Variants in SHTN1 observed in about 807,000 individuals in gnomAD.
SHTN1 encodes the protein shootin 1, also known as shootin-1.
Under a neutral mutation model 83.1 loss-of-function variants are expected in SHTN1, and 42 were observed. The observed-to-expected ratio is 0.51, with a 90% CI of 0.39 to 0.65. The LOEUF is 0.65. SHTN1 is among the 30% of genes least tolerant of loss of function. The probability of loss-of-function intolerance (pLI) is 0.00; values close to 1 mark genes in which losing one functional copy is unlikely to be tolerated. For missense variants in SHTN1, 622 were observed against 737.8 expected (o/e 0.84, Z 1.82); for synonymous variants, 224 against 247.7 (o/e 0.90, Z 0.90).
intron 1 of SHTN1, among the ~76,000 whole-genome samples, chr10:117,076,968 CTTTA>C (rs922327064): frequency 4.6e-5 from 7 of 152,062 alleles, no homozygotes; most frequent in South Asian, 2.1e-4. Context: ...GACTTTATTG[CTTTA>C]TTTTAGTGGA....
chr10:116,889,449 G>A (rs541692646), intron 16 of SHTN1, among the ~76,000 whole-genome samples: 74 of 152,300 alleles, frequency 4.9e-4, no homozygotes, highest in Non-Finnish European at 9.3e-4. Flanking sequence ...GGCATTTTCT[G>A]AATCTAGGCA....
intron 1 of SHTN1, among the ~76,000 whole-genome samples, chr10:117,076,161 C>T (rs566946048): frequency 3.7e-5 from 5 of 133,720 alleles, no homozygotes; most frequent in African/African-American, 8.5e-5. Context: ...CCAGCCTGCG[C>T]GACAAAGCAA....
intron 2 of SHTN1, among the ~76,000 whole-genome samples, chr10:117,030,419 A>G (rs1852398174): frequency 6.6e-6 from 1 of 152,164 alleles, no homozygotes; most frequent in South Asian, 2.1e-4. Context: ...AGACTACAAT[A>G]AATACCTAAC....
chr10:117,111,361 T>C (rs927946382), intron 1 of SHTN1, among the ~76,000 whole-genome samples: 3 of 151,598 alleles, frequency 2.0e-5, no homozygotes, highest in African/African-American at 7.3e-5. Flanking sequence ...TAGCACAGTC[T>C]CAGCTCACTG....
chr10:117,011,202 G>A (rs1158453495), intron 2 of SHTN1, among the ~76,000 whole-genome samples: 1 of 152,212 alleles, frequency 6.6e-6, no homozygotes, highest in East Asian at 1.9e-4. Context: ...GCTAATAGAT[G>A]AATTCAGTAG....
rs562875323 is a variant in SHTN1 at position 116,923,278 on chromosome 10, G to C, written c.1113-1762C>G. Among the ~76,000 whole-genome samples the C allele has an allele frequency of 1.5e-4, 23 of 152,250 alleles. 2 individuals carry two copies. Among genetic ancestry groups the C allele is most frequent in the African/African-American group, 5.5e-4 (23 of 41,546 alleles). ...CTCACTTTAACATTCTTTTAAAACT[G>C]TACATAGGCTTGTGTACATATCTGC... On this transcript the variant is annotated intron_variant, in intron 11 of 16. Coordinates refer to ENST00000355371, the MANE Select transcript of SHTN1 (RefSeq NM_001127211.3).
chr10:116,939,017 C>CA (rs1564886985), intron 9 of SHTN1, among the ~76,000 whole-genome samples: 1 of 152,212 alleles, frequency 6.6e-6, no homozygotes, highest in African/African-American at 2.4e-5. Flanking sequence ...CCCTGCCCCC[C>CA]ACCAAGCTCG....
chr10:116,928,414 C>T (rs1348270254), intron 10 of SHTN1, among the ~76,000 whole-genome samples: 1 of 152,146 alleles, frequency 6.6e-6, no homozygotes, highest in Non-Finnish European at 1.5e-5. Flanking sequence ...ACTTTTTGCT[C>T]TTTTGAAGAG....
chr10:117,053,019 C>CA (rs57069034), intron 1 of SHTN1, among the ~76,000 whole-genome samples: 1,006 of 11,476 alleles, frequency 0.088, 305 homozygotes, highest in African/African-American at 0.11. Context: ...GACTGTGTCT[C>CA]AAAAAAAAAA....
At chr10:117,104,709 G>GCA (rs1453749397) in intron 1 of SHTN1, among the ~76,000 whole-genome samples, 1 of 152,184 alleles carries the variant, frequency 6.6e-6, no homozygotes, top group East Asian at 1.9e-4. Flanking sequence ...GGGAGGCGGA[G>GCA]CTTGCAGTGA....
chr10:117,020,020 G>T (rs1852236867), intron 2 of SHTN1, among the ~76,000 whole-genome samples: 1 of 152,100 alleles, frequency 6.6e-6, no homozygotes, highest in Non-Finnish European at 1.5e-5. Flanking sequence ...AGGCTTTTTT[G>T]TAGAAAATAA....
intron 9 of SHTN1, among the ~76,000 whole-genome samples, chr10:116,931,174 A>G (rs1848949386): frequency 1.3e-5 from 2 of 151,176 alleles, no homozygotes; most frequent in Non-Finnish European, 2.9e-5. Flanking sequence ...ATTCAGTAAA[A>G]CCATTTTTAG....
intron 1 of SHTN1, among the ~76,000 whole-genome samples, chr10:117,104,644 G>A (rs1004778537): frequency 1.8e-4 from 27 of 152,046 alleles, no homozygotes; most frequent in African/African-American, 6.5e-4. Context: ...CGTGGTGGTG[G>A]GCGCCTGTAG....
At chr10:117,107,849 A>C (rs550625524) in intron 1 of SHTN1, among the ~76,000 whole-genome samples, 1 of 152,180 alleles carries the variant, frequency 6.6e-6, no homozygotes, top group Non-Finnish European at 1.5e-5. Context: ...TGTTTGAGAA[A>C]GGGTTTCATT....
rs1406745733 is a variant in SHTN1, at chr10:116,979,449, T to A, written c.59-141A>T. On this transcript the variant is annotated intron_variant, in intron 1 of 16. Transcript: ENST00000355371. ...GAGGCTGCAGAAAAGGGGCTTCTGC[T>A]TTTTATTTTTTTTATTTTGTAGAGA... 4.7e-6 allele frequency: 3 copies of A among 641,290 alleles called. No homozygotes were observed. In the Admixed American group the frequency reaches 8.6e-5, roughly 18 times the overall value. 39.7% of individuals were successfully genotyped at this position (641,290 alleles called of 1,614,324 possible).
At chr10:116,997,348 G>A (rs745800877) in intron 1 of SHTN1, among the ~76,000 whole-genome samples, 1 of 152,214 alleles carries the variant, frequency 6.6e-6, no homozygotes, top group Non-Finnish European at 1.5e-5. Context: ...TGCACTGCAT[G>A]CATTAATAAA....
At chr10:116,990,782 C>T (rs564514324) in intron 1 of SHTN1, among the ~76,000 whole-genome samples, 1 of 152,198 alleles carries the variant, frequency 6.6e-6, no homozygotes, top group Admixed American at 6.5e-5. Context: ...CTCTTGGTGG[C>T]ACACAGGTTA....
At chr10:117,003,478 A>C (rs1851892290) in intron 1 of SHTN1, among the ~76,000 whole-genome samples, 1 of 151,464 alleles carries the variant, frequency 6.6e-6, no homozygotes, top group African/African-American at 2.4e-5. Context: ...CAGAGGTTAA[A>C]TAATTTCCCC....
At chr10:116,937,577 C>A (rs1408039096) in intron 9 of SHTN1, among the ~76,000 whole-genome samples, 1 of 152,162 alleles carries the variant, frequency 6.6e-6, no homozygotes, top group East Asian at 1.9e-4. Flanking sequence ...CAACCTTTCT[C>A]TCTGGCCGCC....
Sources: allele counts gnomAD v4.1 joint callset (sites outside exome capture counted in the v4.1 genomes callset), GRCh38; gene constraint gnomAD v4.1.1; transcripts MANE v1.5; gene names NCBI Gene and HGNC (gene_info 2026-07-23, HGNC 2026-07-21).